Variants in DPYSL5 observed in about 807,000 individuals in gnomAD.
DPYSL5 encodes dihydropyrimidinase-related protein 5.
Under a neutral mutation model 58.4 loss-of-function variants are expected in DPYSL5, and 9 were observed. The observed-to-expected ratio is 0.15, with a 90% CI of 0.09 to 0.27. The LOEUF is 0.27. Among genes scored for constraint, DPYSL5 ranks in the 10% least tolerant of loss-of-function variants. The pLI, the probability that DPYSL5 is intolerant of heterozygous loss-of-function variation, is 1.00. For missense variants in DPYSL5, 499 were observed against 770.6 expected, an observed-to-expected ratio of 0.65 and a Z score of 4.17; for synonymous variants, 293 against 301.9, an observed-to-expected ratio of 0.97 and a Z score of 0.31.
chr2:26,872,560 C>T (rs7574463), intron 1 of DPYSL5, among the ~76,000 whole-genome samples: 6,353 of 152,052 alleles, frequency 0.042, 328 homozygotes, highest in African/African-American at 0.11. Flanking sequence ...TGTGGTGGTG[C>T]GTGCCTGTAA....
intron 1 of DPYSL5, among the ~76,000 whole-genome samples, chr2:26,891,822 A>T (rs1015446250): frequency 6.6e-6 from 1 of 151,984 alleles, no homozygotes; most frequent in Non-Finnish European, 1.5e-5. Context: ...ACAGGCATGC[A>T]CTACCACGCC....
intron 1 of DPYSL5, among the ~76,000 whole-genome samples, chr2:26,891,232 T>G (rs548911947): frequency 3.0e-4 from 46 of 152,334 alleles, no homozygotes; most frequent in South Asian, 4.1e-4. Flanking sequence ...ACAATGGGCA[T>G]AGCGAAGGGC....
At chr2:26,896,519 C>G (rs1664024992) in intron 1 of DPYSL5, among the ~76,000 whole-genome samples, 1 of 152,182 alleles carries the variant, frequency 6.6e-6, no homozygotes, top group South Asian at 2.1e-4. Context: ...TACAAGAGTT[C>G]CCTTTTCTCC....
chr2:26,873,420 G>A (rs1663321714), intron 1 of DPYSL5, among the ~76,000 whole-genome samples: 1 of 152,110 alleles, frequency 6.6e-6, no homozygotes, highest in Non-Finnish European at 1.5e-5. Context: ...GTGCCTCTCA[G>A]GCGACATATA....
intron 1 of DPYSL5, among the ~76,000 whole-genome samples, chr2:26,885,167 C>T (rs1371274314): frequency 1.3e-5 from 2 of 151,902 alleles, no homozygotes; most frequent in South Asian, 2.1e-4. Flanking sequence ...CCATTGCACT[C>T]CAGCCTGGGT....
Position 26,877,415 on chromosome 2 carries a change from T to C in DPYSL5, c.-4-21081T>C, listed in dbSNP as rs1225870233. ...ACACTAAGAGAATACATGTAACTCA[T>C]GGATGCAGGGGACGCACATTGTCTG... On this transcript the variant is annotated intron_variant, in intron 1 of 12. Coordinates refer to ENST00000288699, the MANE Select transcript of DPYSL5 (RefSeq NM_020134.4). This position sits in a 1 kb window ranked among gnomAD's most constrained non-coding sequence, Gnocchi z 4.1. 6.6e-6 allele frequency among the ~76,000 whole-genome samples: 1 copy of C among 152,196 alleles called. No individual in the cohort carries two copies. Among genetic ancestry groups the C allele is most frequent in the African/African-American group, 2.4e-5 (1 of 41,462 alleles).
At chr2:26,865,938 G>T (rs1666129450) in intron 1 of DPYSL5, among the ~76,000 whole-genome samples, 1 of 152,188 alleles carries the variant, frequency 6.6e-6, no homozygotes, top group African/African-American at 2.4e-5. Flanking sequence ...TGAAGGCAAG[G>T]ATTCTGTAAC....
chr2:26,927,983 CAGG>C lies in DPYSL5; in HGVS notation c.601-271_601-269del, dbSNP rs1347292239. On this transcript the variant is annotated intron_variant, in intron 4 of 12. Coordinates refer to ENST00000288699, the MANE Select transcript of DPYSL5 (RefSeq NM_020134.4). The surrounding 1 kb of genome is among the most constrained non-coding windows in gnomAD (Gnocchi z 4.3). ...TAAAGAGTGCTTGTCTTTGGTGTCC[CAGG>C]CCTGTTGCTAGTTATAATACTTAAC... Among the ~76,000 whole-genome samples the C allele has an allele frequency of 2.6e-5, 4 of 152,150 alleles. No individual in the cohort carries two copies. The highest frequency in any genetic ancestry group is 5.9e-5 in the Non-Finnish European group (4 of 68,026).
intron 1 of DPYSL5, among the ~76,000 whole-genome samples, chr2:26,865,565 G>A (rs1666121026): frequency 6.6e-6 from 1 of 151,992 alleles, no homozygotes; most frequent in African/African-American, 2.4e-5. Context: ...CTTCCGTCTT[G>A]GCCTCCCAAG....
intron 2 of DPYSL5, among the ~76,000 whole-genome samples, chr2:26,901,538 G>T (rs936477456): frequency 2.0e-5 from 3 of 152,050 alleles, no homozygotes; most frequent in African/African-American, 4.8e-5. Flanking sequence ...TATTCACACC[G>T]CCTGTGGCAC....
rs554817799 is a variant in DPYSL5 at position 26,882,513 on chromosome 2, C to T, written c.-4-15983C>T. Among the ~76,000 whole-genome samples the T allele has an allele frequency of 2.0e-4, 30 of 152,086 alleles. No homozygotes were observed. In the East Asian group the frequency reaches 3.9e-3, roughly 20 times the overall value. On this transcript the variant is annotated intron_variant, in intron 1 of 12. Transcript: ENST00000288699. Reference sequence around the variant, plus strand: ...CCCAGGCTGTTCTCAAACTCCTAGGCAATTGCTCAAGCAATACTCCTGCCT... The same window carrying T: ...CCCAGGCTGTTCTCAAACTCCTAGGTAATTGCTCAAGCAATACTCCTGCCT...
intron 5 of DPYSL5, among the ~76,000 whole-genome samples, chr2:26,931,150 A>T (rs902583054): frequency 0.16 from 7,140 of 45,536 alleles, 421 homozygotes; most frequent in Non-Finnish European, 0.25. Flanking sequence ...AAAAAAAAAA[A>T]AAATATATAT....
chr2:26,862,544 C>T (rs897090673), intron 1 of DPYSL5, among the ~76,000 whole-genome samples: 3 of 152,296 alleles, frequency 2.0e-5, no homozygotes, highest in East Asian at 1.9e-4. Flanking sequence ...TTATTGTCCA[C>T]GTTTTCCTGG....
At chr2:26,920,943 T>C (rs1664687437) in intron 2 of DPYSL5, among the ~76,000 whole-genome samples, 1 of 152,220 alleles carries the variant, frequency 6.6e-6, no homozygotes, top group Non-Finnish European at 1.5e-5. Context: ...TTTTTAAATA[T>C]AAAGTTTCAC....
At chr2:26,945,469 C>A (rs1005396569) in intron 12 of DPYSL5, among the ~76,000 whole-genome samples, 9 of 152,018 alleles carry the variant, frequency 5.9e-5, no homozygotes, top group Admixed American at 4.6e-4. Context: ...GGGGTGCGAT[C>A]CCAGTTCTTA....
intron 1 of DPYSL5, among the ~76,000 whole-genome samples, chr2:26,894,468 C>A (rs554528977): frequency 1.1e-3 from 175 of 152,298 alleles, no homozygotes; most frequent in Non-Finnish European, 2.0e-3. Context: ...GCAAGGTGGG[C>A]ATAATAATAC....
Position 26,940,415 on chromosome 2 carries a change from AG to A in DPYSL5, c.1089+244del, listed in dbSNP as rs201990084. Among the ~76,000 whole-genome samples, 1,409 of 151,244 alleles carry A rather than the reference AG, an allele frequency of 9.3e-3. 20 individuals are homozygous for A. The highest frequency in any genetic ancestry group is 0.03 in the African/African-American group (1,255 of 41,282). Reference sequence around the variant, plus strand: ...AAATACAGAAAAGTATAAGAAAAAAAGAAACCTTAATTCCACGCCTAGAAAT... The same window carrying A: ...AAATACAGAAAAGTATAAGAAAAAAAAAACCTTAATTCCACGCCTAGAAAT... On this transcript the variant is annotated intron_variant, in intron 9 of 12. Transcript: ENST00000288699.
chr2:26,860,700 A>G (rs1409083534), intron 1 of DPYSL5, among the ~76,000 whole-genome samples: 1 of 152,250 alleles, frequency 6.6e-6, no homozygotes, highest in African/African-American at 2.4e-5. Flanking sequence ...CAGCCATTAC[A>G]AAGAATAAGG....
intron 1 of DPYSL5, among the ~76,000 whole-genome samples, chr2:26,876,553 T>C (rs1200686090): frequency 6.6e-6 from 1 of 152,226 alleles, no homozygotes; most frequent in African/African-American, 2.4e-5. Flanking sequence ...GTTTTGCTCG[T>C]CACCCAGGCT....
Sources: gnomAD v4.1 joint callset for allele counts (sites outside exome capture counted in the v4.1 genomes callset) on GRCh38, gnomAD v4.1.1 for gene constraint, Gnocchi (gnomAD v3.1) non-coding constraint, MANE v1.5 for transcripts, NCBI Gene and HGNC (gene_info 2026-07-23, HGNC 2026-07-21) for gene names.